NOS2: variants seen among roughly 807,000 people sequenced by gnomAD.
NOS2 encodes the protein nitric oxide synthase, inducible.
A neutral mutation model predicts 136.0 loss-of-function variants in NOS2; 96 were observed. The ratio of observed to expected loss-of-function variants is 0.71; its 90% CI spans 0.60 to 0.84. NOS2 has a LOEUF of 0.84. Among genes scored for constraint, NOS2 ranks in the 40% least tolerant of loss-of-function variants. The pLI, the probability that NOS2 is intolerant of heterozygous loss-of-function variation, is 0.00. For missense variants in NOS2, 1,237 were observed against 1,496.9 expected (o/e 0.83, Z 2.87); for synonymous variants, 539 against 587.5 (o/e 0.92, Z 1.20).
At chr17:27,796,354 G>A (rs1909355346) in intron 2 of NOS2, among the ~76,000 whole-genome samples, 1 of 152,220 alleles carries the variant, frequency 6.6e-6, no homozygotes, top group South Asian at 2.1e-4. Flanking sequence ...GGAGGCTGAG[G>A]TGGGAGAATC....
chr17:27,786,484 G>A (rs1470984768), intron 5 of NOS2, among the ~76,000 whole-genome samples: 1 of 152,120 alleles, frequency 6.6e-6, no homozygotes, highest in African/African-American at 2.4e-5. Context: ...ATTTCTTTCA[G>A]ACATTCTTTC....
Position 27,767,756 on chromosome 17 carries a change from GGT to G in NOS2, c.2114_2115del (p.Asp705AlafsTer55). On this transcript the variant is annotated frameshift_variant, in exon 18 of 27. Transcript: ENST00000313735. LOFTEE classifies it high-confidence loss of function. ...PKLYTSNVTW[D>X]PHHYRLVQDS... Reference sequence around the variant, plus strand: ...TCCTGCACGAGCCTGTAGTGGTGCGGGTCCCAGGTCACATTGGAGGTGTAGAG... The same window carrying G: ...TCCTGCACGAGCCTGTAGTGGTGCGGCCCAGGTCACATTGGAGGTGTAGAG... 6.2e-7 allele frequency: 1 copy of G among 1,613,484 alleles called. No individual in the cohort carries two copies. Among genetic ancestry groups the G allele is most frequent in the South Asian group, 1.1e-5 (1 of 91,058 alleles).
intron 26 of NOS2, 78 bp from the exon 27 acceptor site, chr17:27,757,431 CA>C: frequency 9.2e-7 from 1 of 1,088,222 alleles, no homozygotes; most frequent in East Asian, 2.4e-5. Flanking sequence ...TTCCCTATCA[CA>C]TGGACCTTCA....
intron 2 of NOS2, 78 bp from the exon 3 acceptor site, chr17:27,789,766 C>T: frequency 2.0e-6 from 2 of 996,924 alleles, no homozygotes; most frequent in Non-Finnish European, 3.2e-6. Context: ...TGCCAGTAAC[C>T]TCATTTGACA....
At chr17:27,761,120 G>A in intron 23 of NOS2, 24 bp downstream of exon 23, 2 of 1,553,744 alleles carry the variant, frequency 1.3e-6, no homozygotes, top group South Asian at 1.2e-5. Context: ...GCCCCACAGG[G>A]GACAGAGTGG....
chr17:27,798,867 G>A lies in NOS2; in HGVS notation c.-58C>T, dbSNP rs756610822. 27 of 1,055,424 alleles carry A rather than the reference G, an allele frequency of 2.6e-5. 1 individual carries two copies. In the Middle Eastern group the frequency reaches 1.8e-3, roughly 70 times the overall value. 65.4% of individuals were successfully genotyped at this position (1,055,424 alleles called of 1,614,324 possible). A position where few individuals can be genotyped will look rare whatever the true frequency, so the allele number is the denominator to read the frequency against. On this transcript the variant is annotated 5_prime_UTR_variant, in exon 2 of 27. Transcript: ENST00000313735. ...CACTTATCTGGATTTGAGCTCAGAT[G>A]TTCTTCACTGTGGGGCTGAAGAAGG...
rs1908420015 is a variant in NOS2, at chr17:27,769,518, A to C, written c.1859+17T>G. On this transcript the variant is annotated intron_variant, in intron 16 of 26. Transcript: ENST00000313735. ...CACAGGGCAGGGCTAGGAGTAGGAC[A>C]ACGGAAAAAGCTTTACCTGAATTTG... The C allele has an allele frequency of 6.2e-7, 1 of 1,611,090 alleles. No homozygotes were observed. Among genetic ancestry groups the C allele is most frequent in the East Asian group, 2.2e-5 (1 of 44,880 alleles).
intron 18 of NOS2, 127 bp from the exon 19 acceptor site, chr17:27,766,715 G>C: frequency 1.4e-6 from 1 of 731,186 alleles, no homozygotes; most frequent in Admixed American, 2.2e-5. Context: ...GGTGGCCGTT[G>C]GGTTTTTCTT....
Position 27,771,001 on chromosome 17 carries a change from T to C in NOS2, c.1721A>G (p.Lys574Arg). ...AFNPKVVCMD[K>R]YRLSCLEEER... is the part of the protein sequence containing the mutation. ...CTCCTCCAGGCAGCTCAGCCTGTAC[T>C]TATCCATGCAGACAACCTGGATGGC... The change falls in exon 15 of 27, where the codon AAG (lysine) becomes AGG (arginine). Residue 574 changes from lysine (K) to arginine (R), a missense_variant. Coordinates refer to ENST00000313735, the MANE Select transcript of NOS2 (RefSeq NM_000625.4). The C allele has an allele frequency of 6.2e-7, 1 of 1,613,958 alleles. No homozygotes were observed. Among genetic ancestry groups the C allele is most frequent in the Non-Finnish European group, 8.5e-7 (1 of 1,179,898 alleles).
chr17:27,771,654 C>T lies in NOS2; in HGVS notation c.1705-637G>A, dbSNP rs1478574054. Among the ~76,000 whole-genome samples, 4 of 152,266 alleles carry T rather than the reference C, an allele frequency of 2.6e-5. No individual in the cohort carries two copies. The East Asian group carries it at 7.7e-4, about 29-fold the overall frequency. On this transcript the variant is annotated intron_variant, in intron 14 of 26. Transcript: ENST00000313735. ...TGTGCCCTGTCCTCAGAGTCACATC[C>T]ATCTCCCAGAAGCCGTGCGACCCTG...
intron 11 of NOS2, among the ~76,000 whole-genome samples, chr17:27,775,748 C>A (rs1908639972): frequency 6.6e-6 from 1 of 152,184 alleles, no homozygotes; most frequent in Non-Finnish European, 1.5e-5. Context: ...TGGGCCACTG[C>A]ACTCCAGTCT....
chr17:27,783,691 T>C (rs1198973254), intron 5 of NOS2, among the ~76,000 whole-genome samples: 1 of 152,150 alleles, frequency 6.6e-6, no homozygotes, highest in Non-Finnish European at 1.5e-5. Flanking sequence ...TTTTTGCATC[T>C]ATTTTATAGC....
intron 7 of NOS2, 87 bp downstream of exon 7, chr17:27,781,928 C>T (rs989840327): frequency 3.4e-4 from 379 of 1,119,882 alleles, no homozygotes; most frequent in Middle Eastern, 4.0e-4. Flanking sequence ...GCTGGAGATG[C>T]CTCCCCTAGA....
chr17:27,799,898 A>T (rs1272929826), intron 1 of NOS2, among the ~76,000 whole-genome samples: 2 of 152,084 alleles, frequency 1.3e-5, no homozygotes, highest in East Asian at 1.9e-4. Flanking sequence ...AGCCCCATAG[A>T]CCTGGGTTCA....
intron 22 of NOS2, 66 bp downstream of exon 22, chr17:27,762,732 G>A (rs1322257045): frequency 1.7e-6 from 2 of 1,187,760 alleles, no homozygotes; most frequent in Admixed American, 2.4e-5. Flanking sequence ...CTGAATCTGA[G>A]TTGATGAACA....
intron 18 of NOS2, 108 bp from the exon 19 acceptor site, chr17:27,766,696 T>C (rs1908314392): frequency 1.2e-6 from 1 of 830,016 alleles, no homozygotes; most frequent in African/African-American, 1.7e-5. Flanking sequence ...CCTTGGGGCA[T>C]CCTGCTGAGG....
At chr17:27,763,463 T>C (rs1313384554) in intron 21 of NOS2, among the ~76,000 whole-genome samples, 2 of 152,116 alleles carry the variant, frequency 1.3e-5, no homozygotes, top group African/African-American at 4.8e-5. Context: ...ATAATGGCGG[T>C]GGAGGTAGCT....
intron 24 of NOS2, 81 bp from the exon 25 acceptor site, chr17:27,760,259 C>A (rs1225354203): frequency 1.2e-5 from 17 of 1,380,660 alleles, no homozygotes; most frequent in Non-Finnish European, 1.7e-5. Context: ...ATTCTCACTT[C>A]ACTCCCACTA....
At chr17:27,771,785 T>C (rs1908504241) in intron 14 of NOS2, among the ~76,000 whole-genome samples, 1 of 152,246 alleles carries the variant, frequency 6.6e-6, no homozygotes, top group South Asian at 2.1e-4. Flanking sequence ...GGGTGTATGC[T>C]GGAGAGCTCC....
Sources: allele counts gnomAD v4.1 joint callset (sites outside exome capture counted in the v4.1 genomes callset), GRCh38; gene constraint gnomAD v4.1.1; transcripts MANE v1.5; gene names NCBI Gene and HGNC (gene_info 2026-07-23, HGNC 2026-07-21).